Variants in EYA1 observed in about 807,000 individuals in gnomAD.
EYA1 encodes the protein protein phosphatase EYA1.
EYA1 carries 16 observed loss-of-function variants against 82.0 expected under a neutral mutation model. The ratio of observed to expected loss-of-function variants is 0.20; its 90% CI spans 0.13 to 0.30. The LOEUF (loss-of-function observed/expected upper bound fraction) is 0.30. EYA1 is among the 10% of genes least tolerant of loss of function. EYA1 has a pLI of 1.00. For synonymous variants in EYA1, 261 were observed against 264.4 expected, an observed-to-expected ratio of 0.99 and a Z score of 0.12; for missense variants, 633 against 730.7, an observed-to-expected ratio of 0.87 and a Z score of 1.54.
At chr8:71,233,728 C>A (rs28414055) in intron 12 of EYA1, among the ~76,000 whole-genome samples, 22,559 of 151,992 alleles carry the variant, frequency 0.15, 2,098 homozygotes, top group Non-Finnish European at 0.21. Flanking sequence ...TCTGACTTAA[C>A]GTAATATGAA....
At chr8:71,349,407 C>A (rs778033054) in intron 3 of EYA1, among the ~76,000 whole-genome samples, 17 of 152,212 alleles carry the variant, frequency 1.1e-4, no homozygotes, top group Non-Finnish European at 1.9e-4. Context: ...TGATGCAAAT[C>A]ACATATTCTC....
At chr8:71,451,591 GTTC>G (rs1251384290) in intron 2 of EYA1, among the ~76,000 whole-genome samples, 1 of 151,982 alleles carries the variant, frequency 6.6e-6, no homozygotes, top group Non-Finnish European at 1.5e-5. Flanking sequence ...CATAATCAAG[GTTC>G]TTCTTTAAAA....
intron 2 of EYA1, among the ~76,000 whole-genome samples, chr8:71,409,137 G>A (rs1276278737): frequency 1.0e-3 from 85 of 85,366 alleles, no homozygotes; most frequent in East Asian, 4.4e-4. Flanking sequence ...GGTACATAAC[G>A]AAATGAAGGC....
At chr8:71,280,375 T>C (rs1383650339) in intron 9 of EYA1, among the ~76,000 whole-genome samples, 1 of 152,198 alleles carries the variant, frequency 6.6e-6, no homozygotes, top group Non-Finnish European at 1.5e-5. Flanking sequence ...CAATGAACAC[T>C]TAGATTTTCT....
intron 3 of EYA1, among the ~76,000 whole-genome samples, chr8:71,337,149 G>A (rs564265048): frequency 6.6e-6 from 1 of 152,272 alleles, no homozygotes; most frequent in South Asian, 2.1e-4. Context: ...CTTGGTCTTA[G>A]AGGTTTAAGG....
chr8:71,333,993 A>G (rs1824186389), intron 4 of EYA1, 104 bp downstream of exon 4: 4 of 804,280 alleles, frequency 5.0e-6, no homozygotes, highest in Non-Finnish European at 4.4e-6. Flanking sequence ...ATACCCACAT[A>G]TATACACATA....
chr8:71,327,547 G>A (rs536984908), intron 4 of EYA1, among the ~76,000 whole-genome samples: 9 of 152,216 alleles, frequency 5.9e-5, no homozygotes, highest in Middle Eastern at 3.4e-3. Flanking sequence ...GAGTAAATGG[G>A]CCTCACTTTA....
At chr8:71,424,804 A>G (rs1349560517) in intron 2 of EYA1, among the ~76,000 whole-genome samples, 1 of 151,964 alleles carries the variant, frequency 6.6e-6, no homozygotes, top group Non-Finnish European at 1.5e-5. Context: ...CCTATAGTCT[A>G]CTGGGTTACA....
chr8:71,466,595 G>A (rs114569449), intron 2 of EYA1, among the ~76,000 whole-genome samples: 2,800 of 152,100 alleles, frequency 0.018, 55 homozygotes, highest in African/African-American at 0.062. Context: ...AGATATAATC[G>A]TTAATCAATA....
chr8:71,399,840 A>G (rs2129125588), intron 2 of EYA1, among the ~76,000 whole-genome samples: 1 of 152,340 alleles, frequency 6.6e-6, no homozygotes, highest in Non-Finnish European at 1.5e-5. Flanking sequence ...TGTATAGCCA[A>G]GACAATCCTA....
chr8:71,536,386 T>C (rs1273508516), intron 1 of EYA1, among the ~76,000 whole-genome samples: 1 of 152,166 alleles, frequency 6.6e-6, no homozygotes, highest in Non-Finnish European at 1.5e-5. Context: ...AGGTCACAGT[T>C]TCACGGATGA....
intron 11 of EYA1, among the ~76,000 whole-genome samples, chr8:71,267,791 A>G (rs1006869914): frequency 4.6e-5 from 7 of 151,998 alleles, no homozygotes; most frequent in Non-Finnish European, 7.4e-5. Flanking sequence ...CTCGTGATCC[A>G]CCCGCCTTGG....
intron 9 of EYA1, among the ~76,000 whole-genome samples, chr8:71,275,299 A>C (rs1415409319): frequency 1.3e-5 from 2 of 152,220 alleles, no homozygotes; most frequent in Non-Finnish European, 2.9e-5. Flanking sequence ...GTGGTTTCAC[A>C]ACTGGGTGAA....
chr8:71,299,690 T>A lies in EYA1; in HGVS notation c.587A>T (p.Tyr196Phe), dbSNP rs1819988523. The stretch of plus-strand genomic sequence containing the variant: ...ATTTGTGAGTGAATTATTTCCTGTA[T>A]ATATTCCTGATGATGTTGTAAAACT... ...GSSFTTSSGI[Y>F]TGNNSLTNSS... Residue 196 changes from tyrosine to phenylalanine, a missense_variant, in exon 8 of 18, where the codon TAT (tyrosine) becomes TTT (phenylalanine). Physicochemically the swap from Tyr to Phe is conservative, Grantham distance 22. Coordinates refer to ENST00000340726, the MANE Select transcript of EYA1 (RefSeq NM_000503.6). 4 of 1,585,368 alleles carry A rather than the reference T, an allele frequency of 2.5e-6. No homozygotes were observed. Among genetic ancestry groups the A allele is most frequent in the Non-Finnish European group, 3.5e-6 (4 of 1,154,780 alleles).
chr8:71,250,524 C>T (rs944746445), intron 11 of EYA1, among the ~76,000 whole-genome samples: 8 of 152,208 alleles, frequency 5.3e-5, no homozygotes, highest in African/African-American at 1.4e-4. Context: ...GTATCTTCCT[C>T]CTCCTGTTTT....
At chr8:71,453,216 G>A (rs987834084) in intron 2 of EYA1, among the ~76,000 whole-genome samples, 5 of 152,150 alleles carry the variant, frequency 3.3e-5, no homozygotes, top group African/African-American at 1.2e-4. Context: ...GAGAACTTTA[G>A]AGAAAAAGGA....
rs140662482 is a variant in EYA1 at position 71,346,993 on chromosome 8, C to T, written c.124+7789G>A. Among the ~76,000 whole-genome samples, 699 of 152,228 alleles carry T rather than the reference C, an allele frequency of 4.6e-3. 6 individuals are homozygous for T. Among genetic ancestry groups the T allele is most frequent in the African/African-American group, 0.015 (624 of 41,538 alleles). ...AGAGTGAACACTTGTGTCCCTGCTT[C>T]GAGAAACTTAGAAACTCTTCTAGGT... On this transcript the variant is annotated intron_variant, in intron 3 of 17. Coordinates refer to ENST00000340726, the MANE Select transcript of EYA1 (RefSeq NM_000503.6).
chr8:71,514,205 CT>C (rs1264171928), intron 2 of EYA1, among the ~76,000 whole-genome samples: 2 of 152,018 alleles, frequency 1.3e-5, no homozygotes, highest in Non-Finnish European at 2.9e-5. Context: ...AAATAACTTA[CT>C]TTGTAGATTT....
At chr8:71,343,601 A>G (rs1414078626) in intron 3 of EYA1, among the ~76,000 whole-genome samples, 1 of 152,188 alleles carries the variant, frequency 6.6e-6, no homozygotes, top group Non-Finnish European at 1.5e-5. Flanking sequence ...GAGAGTCCCC[A>G]CTAGCAAGAA....
Sources: allele counts gnomAD v4.1 joint callset (sites outside exome capture counted in the v4.1 genomes callset), GRCh38; gene constraint gnomAD v4.1.1; transcripts MANE v1.5; gene names NCBI Gene and HGNC (gene_info 2026-07-23, HGNC 2026-07-21).